Variants in MICU1 observed in about 807,000 individuals in gnomAD.
MICU1 encodes the protein mitochondrial calcium uptake 1.
Under a neutral mutation model 56.8 loss-of-function variants are expected in MICU1, and 45 were observed. The observed-to-expected ratio is 0.79, with a 90% CI of 0.62 to 1.02. MICU1 has a LOEUF of 1.02. MICU1 is among the 50% of genes least tolerant of loss of function. The pLI is 0.00. For missense variants in MICU1, 504 were observed against 587.1 expected, an observed-to-expected ratio of 0.86 and a Z score of 1.46; for synonymous variants, 186 against 195.1, an observed-to-expected ratio of 0.95 and a Z score of 0.39.
intron 5 of MICU1, among the ~76,000 whole-genome samples, chr10:72,520,460 T>C (rs1784555385): frequency 6.6e-6 from 1 of 152,170 alleles, no homozygotes; most frequent in South Asian, 2.1e-4. Context: ...TAGTTTATGA[T>C]TCCTCCTTCT....
chr10:72,383,231 G>T (rs901377293), intron 10 of MICU1, among the ~76,000 whole-genome samples: 26 of 142,388 alleles, frequency 1.8e-4, no homozygotes, highest in African/African-American at 6.4e-4. Flanking sequence ...AGGCAACAGA[G>T]CAAGACCCTG....
At chr10:72,541,206 G>T (rs1839766893) in intron 4 of MICU1, among the ~76,000 whole-genome samples, 1 of 152,216 alleles carries the variant, frequency 6.6e-6, no homozygotes, top group Non-Finnish European at 1.5e-5. Flanking sequence ...TTGAAAGCAA[G>T]AATGCTAATA....
chr10:72,573,303 A>G (rs1162141851), intron 1 of MICU1, among the ~76,000 whole-genome samples: 1 of 126,640 alleles, frequency 7.9e-6, no homozygotes, highest in Non-Finnish European at 1.6e-5. Flanking sequence ...GACCCCCATC[A>G]CTACAAAAAA....
At position 72,544,114 on chromosome 10, in the gene MICU1, C is replaced by CCTGTTCTGTT. The variant is rs71021505; in HGVS notation, c.493+7055_493+7064dup. On this transcript the variant is annotated intron_variant, in intron 4 of 11. Coordinates refer to ENST00000361114, the MANE Select transcript of MICU1 (RefSeq NM_001195518.2). ...GGAAAAGCACTGTGAAAATCCCTGT[C>CCTGTTCTGTT]CTGTTCTGTTCTGTTCTGTTCTGAT... 1.2e-3 allele frequency among the ~76,000 whole-genome samples: 175 copies of CCTGTTCTGTT among 150,798 alleles called. 1 individual carries two copies. The highest frequency in any genetic ancestry group is 1.8e-3 in the Non-Finnish European group (125 of 67,568).
chr10:72,451,856 T>C (rs1865310290), intron 8 of MICU1, among the ~76,000 whole-genome samples: 1 of 151,710 alleles, frequency 6.6e-6, no homozygotes. Flanking sequence ...GATATTAACA[T>C]TAGTTAGATA....
At chr10:72,522,001 G>T (rs1228876910) in intron 5 of MICU1, among the ~76,000 whole-genome samples, 1 of 152,004 alleles carries the variant, frequency 6.6e-6, no homozygotes, top group Non-Finnish European at 1.5e-5. Flanking sequence ...AATTGGTGAA[G>T]TTTTTCATTC....
intron 9 of MICU1, among the ~76,000 whole-genome samples, chr10:72,421,870 ACTCC>A (rs1158124641): frequency 6.6e-6 from 1 of 151,616 alleles, no homozygotes; most frequent in Non-Finnish European, 1.5e-5. Context: ...TGAACTCCAA[ACTCC>A]CTCCATTCCT....
At chr10:72,479,974 G>A (rs1265861981) in intron 6 of MICU1, among the ~76,000 whole-genome samples, 11 of 152,164 alleles carry the variant, frequency 7.2e-5, no homozygotes, top group Admixed American at 7.2e-4. Flanking sequence ...ATGTAACAAT[G>A]GCAGAAAATA....
chr10:72,518,253 C>G (rs894212567), intron 5 of MICU1, among the ~76,000 whole-genome samples: 1 of 151,894 alleles, frequency 6.6e-6, no homozygotes, highest in African/African-American at 2.4e-5. Context: ...AGGCTGGTCT[C>G]AAACTCCTGA....
At chr10:72,574,413 G>C (rs949716832) in intron 1 of MICU1, among the ~76,000 whole-genome samples, 2 of 152,134 alleles carry the variant, frequency 1.3e-5, no homozygotes, top group African/African-American at 4.8e-5. Flanking sequence ...CAGCTACTCG[G>C]GAGGCTGAGG....
At chr10:72,427,479 T>G (rs1864381285) in intron 8 of MICU1, among the ~76,000 whole-genome samples, 1 of 152,204 alleles carries the variant, frequency 6.6e-6, no homozygotes, top group African/African-American at 2.4e-5. Context: ...CTTCATTTGT[T>G]GAAGACTTTT....
intron 9 of MICU1, among the ~76,000 whole-genome samples, chr10:72,420,807 C>T (rs1864133921): frequency 1.3e-5 from 2 of 151,824 alleles, no homozygotes; most frequent in African/African-American, 4.8e-5. Flanking sequence ...TCCTGAGTAG[C>T]TGCGACTACA....
intron 10 of MICU1, among the ~76,000 whole-genome samples, chr10:72,407,221 C>T (rs923899427): frequency 2.0e-5 from 3 of 152,128 alleles, no homozygotes; most frequent in African/African-American, 7.2e-5. Context: ...AGTATACTTA[C>T]GTCTGCAACT....
chr10:72,455,814 G>GAA (rs373598145), intron 8 of MICU1, among the ~76,000 whole-genome samples: 1 of 143,512 alleles, frequency 7.0e-6, no homozygotes, highest in East Asian at 2.0e-4. Context: ...TCTATATCCT[G>GAA]AAAAAAAAAA....
intron 1 of MICU1, among the ~76,000 whole-genome samples, chr10:72,602,937 C>T (rs1348410271): frequency 2.0e-5 from 3 of 152,068 alleles, no homozygotes; most frequent in African/African-American, 7.2e-5. Flanking sequence ...GAAACACCGC[C>T]TCTGCTAAAA....
chr10:72,435,131 C>T (rs980021315), intron 8 of MICU1, among the ~76,000 whole-genome samples: 1 of 152,020 alleles, frequency 6.6e-6, no homozygotes, highest in Non-Finnish European at 1.5e-5. Context: ...TGGCTCATGC[C>T]TGTGATCCCA....
chr10:72,371,560 T>C (rs1862341910), intron 11 of MICU1, among the ~76,000 whole-genome samples: 1 of 151,622 alleles, frequency 6.6e-6, no homozygotes, highest in Non-Finnish European at 1.5e-5. Context: ...CTGGCCAACA[T>C]GGTGAAACCC....
chr10:72,559,464 A>AT (rs911499323), intron 3 of MICU1, among the ~76,000 whole-genome samples: 9 of 151,830 alleles, frequency 5.9e-5, no homozygotes, highest in African/African-American at 1.9e-4. Flanking sequence ...ATATTACTCT[A>AT]TTTTTTCTCT....
chr10:72,563,714 A>T (rs1029679971), intron 2 of MICU1, among the ~76,000 whole-genome samples: 11 of 152,182 alleles, frequency 7.2e-5, no homozygotes, highest in Non-Finnish European at 8.8e-5. Context: ...AAGACATGTG[A>T]CAGAAGCCCT....
Sources: allele counts gnomAD v4.1 joint callset (sites outside exome capture counted in the v4.1 genomes callset), GRCh38; gene constraint gnomAD v4.1.1; transcripts MANE v1.5; gene names NCBI Gene and HGNC (gene_info 2026-07-23, HGNC 2026-07-21).